Variants in DNAJA3 observed in about 807,000 individuals in gnomAD.
The protein encoded by DNAJA3 is DnaJ heat shock protein family (Hsp40) member A3.
A neutral mutation model predicts 54.9 loss-of-function variants in DNAJA3; 29 were observed. The observed-to-expected ratio is 0.53, with a 90% confidence interval of 0.39 to 0.72. DNAJA3 has a LOEUF of 0.72. DNAJA3 is among the 30% of genes least tolerant of loss of function. The probability of loss-of-function intolerance (pLI) is 0.00; values close to 1 mark genes in which losing one functional copy is unlikely to be tolerated. For missense variants in DNAJA3, 708 were observed against 639.4 expected, an observed-to-expected ratio of 1.11 and a Z score of -1.16; for synonymous variants, 302 against 251.4, an observed-to-expected ratio of 1.20 and a Z score of -1.90.
Position 4,442,333 on chromosome 16 carries a change from C to G in DNAJA3, c.696C>G (p.Ile232Met), listed in dbSNP as rs2056846367. 1 of 1,609,344 alleles carries G rather than the reference C, an allele frequency of 6.2e-7. No individual in the cohort carries two copies. The highest frequency in any genetic ancestry group is 8.5e-7 in the Non-Finnish European group (1 of 1,177,712). ...KGVNKEFTVN[I>M]MDTCERCNGK... Reference sequence around the variant, plus strand: ...TCAACAAGGAGTTCACCGTGAACATCATGGACACGTGTGAGCGCTGCAACG... The same window carrying G: ...TCAACAAGGAGTTCACCGTGAACATGATGGACACGTGTGAGCGCTGCAACG... The change falls in exon 5 of 12, where the codon ATC (isoleucine) becomes ATG (methionine). Residue 232 changes from isoleucine to methionine, a missense_variant. By Grantham distance (10) the Ile-to-Met change is conservative. Transcript: ENST00000262375.
intron 9 of DNAJA3, among the ~76,000 whole-genome samples, chr16:4,449,198 G>A (rs954278560): frequency 1.3e-4 from 19 of 151,418 alleles, no homozygotes; most frequent in Admixed American, 5.3e-4. Flanking sequence ...GGGTTTCACC[G>A]TGTTAGCCAG....
rs57814611 is a variant in DNAJA3 at position 4,451,752 on chromosome 16, GAAAAAAAAAA to G, written c.1339+1271_1339+1280del. ...AGCTTGGGTGACAGTGAGACTCTCT[GAAAAAAAAAA>G]AAAAAAAAAAAAAAAGGGCCTGGCG... On this transcript the variant is annotated intron_variant, in intron 10 of 11. Transcript: ENST00000262375. Among the ~76,000 whole-genome samples the G allele has an allele frequency of 2.9e-3, 123 of 41,860 alleles. 3 individuals carry two copies. The East Asian group carries it at 0.073, about 25-fold the overall frequency. The allele number at this position is 41,860 out of a possible 152,430, so 27.5% of individuals were successfully genotyped here. A position where few individuals can be genotyped will look rare whatever the true frequency, so the allele number is the denominator to read the frequency against.
At chr16:4,429,949 A>C (rs970641580) in intron 1 of DNAJA3, among the ~76,000 whole-genome samples, 1 of 151,780 alleles carries the variant, frequency 6.6e-6, no homozygotes, top group South Asian at 2.1e-4. Context: ...GTGAGCCATG[A>C]TGATGCCACT....
chr16:4,432,348 T>C (rs969110287), intron 1 of DNAJA3, among the ~76,000 whole-genome samples: 4 of 24,144 alleles, frequency 1.7e-4, no homozygotes, highest in Admixed American at 4.1e-4. Flanking sequence ...TTTTTTTTTC[T>C]TTTTTTTTTC....
intron 4 of DNAJA3, 106 bp from the exon 5 acceptor site, chr16:4,442,162 A>T (rs1192931950): frequency 7.4e-6 from 9 of 1,211,974 alleles, no homozygotes; most frequent in Non-Finnish European, 1.0e-5. Flanking sequence ...CAGTGGTGAA[A>T]GAGTGACTGA....
chr16:4,442,943 C>A (rs760319888), intron 5 of DNAJA3, 74 bp from the exon 6 acceptor site: 1 of 1,521,140 alleles, frequency 6.6e-7, no homozygotes, highest in Non-Finnish European at 9.0e-7. Context: ...ATTTTTCTTA[C>A]GCACATTGTG....
At chr16:4,431,100 C>T (rs955709584) in intron 1 of DNAJA3, 5 of 152,114 alleles carry the variant, frequency 3.3e-5, no homozygotes, top group African/African-American at 1.2e-4. Context: ...TGTCTTTATC[C>T]ACATGCAGTT....
intron 1 of DNAJA3, chr16:4,430,479 C>T (rs941244073): frequency 1.3e-5 from 2 of 151,452 alleles, no homozygotes; most frequent in African/African-American, 4.9e-5. Context: ...AGGAGAATCG[C>T]TTGAACCCAG....
At chr16:4,447,266 C>T in intron 8 of DNAJA3, 1 of 483,250 alleles carries the variant, frequency 2.1e-6, no homozygotes. Flanking sequence ...GGCCTGGGAA[C>T]TGGGCGCATT....
chr16:4,448,599 C>T lies in DNAJA3; in HGVS notation c.1126-134C>T, dbSNP rs191191272. On this transcript the variant is annotated intron_variant, in intron 8 of 11. Transcript: ENST00000262375. ...CCTCGTGATCAGCCTGCCTCGACCT[C>T]CCAAAGTGATGGGAGCGTGAGCCAG... 5.5e-4 allele frequency: 370 copies of T among 666,992 alleles called. No homozygotes were observed. In the African/African-American group the frequency reaches 5.9e-3, roughly 11 times the overall value. 41.3% of individuals were successfully genotyped at this position (666,992 alleles called of 1,614,324 possible). A position where few individuals can be genotyped will look rare whatever the true frequency, so the allele number is the denominator to read the frequency against.
At chr16:4,432,683 C>T (rs1018383074) in intron 1 of DNAJA3, among the ~76,000 whole-genome samples, 1 of 152,026 alleles carries the variant, frequency 6.6e-6, no homozygotes, top group Non-Finnish European at 1.5e-5. Flanking sequence ...TATTAAAACA[C>T]CTCCAGTCTG....
intron 2 of DNAJA3, among the ~76,000 whole-genome samples, chr16:4,435,210 C>T (rs1567325345): frequency 6.6e-6 from 1 of 151,946 alleles, no homozygotes; most frequent in Non-Finnish European, 1.5e-5. Flanking sequence ...CTTTCTTAAC[C>T]TGGAAAATGT....
chr16:4,426,607 A>G (rs1232633952), intron 1 of DNAJA3, among the ~76,000 whole-genome samples: 1 of 152,238 alleles, frequency 6.6e-6, no homozygotes, highest in African/African-American at 2.4e-5. Context: ...GTCATAGTTT[A>G]CGCTCTTTCT....
At chr16:4,451,897 A>T (rs916882971) in intron 10 of DNAJA3, among the ~76,000 whole-genome samples, 5 of 26,734 alleles carry the variant, frequency 1.9e-4, no homozygotes, top group Non-Finnish European at 8.2e-4. Flanking sequence ...TGTCTCTACT[A>T]AAAAAAAAAA....
chr16:4,451,219 C>T lies in DNAJA3; in HGVS notation c.1339+722C>T, dbSNP rs546477471. ...TGTGCCCAGGGGTCCTTGGTTCAGG[C>T]GGCATGTATTTCCTCCTCATTGCAT... is the stretch of plus-strand genomic sequence containing the variant. On this transcript the variant is annotated intron_variant, in intron 10 of 11. Coordinates refer to ENST00000262375, the MANE Select transcript of DNAJA3 (RefSeq NM_005147.6). Among the ~76,000 whole-genome samples, 13 of 152,262 alleles carry T rather than the reference C, an allele frequency of 8.5e-5. No individual in the cohort carries two copies. The East Asian group carries it at 1.9e-3, about 23-fold the overall frequency.
intron 9 of DNAJA3, 160 bp from the exon 10 acceptor site, chr16:4,450,240 A>AT: frequency 1.8e-6 from 1 of 566,776 alleles, no homozygotes; most frequent in East Asian, 2.9e-5. Context: ...CTTTGAGGGC[A>AT]TGGTCCTTAG....
rs575605918 is a variant in DNAJA3, at chr16:4,442,903, A to G, written c.784-114A>G. The G allele has an allele frequency of 3.1e-5, 37 of 1,207,854 alleles. No homozygotes were observed. The East Asian group carries it at 8.3e-4, about 27-fold the overall frequency. 74.8% of individuals were successfully genotyped at this position (1,207,854 alleles called of 1,614,324 possible). On this transcript the variant is annotated intron_variant, in intron 5 of 11. Coordinates refer to ENST00000262375, the MANE Select transcript of DNAJA3 (RefSeq NM_005147.6). ...TCCTAGGCAGTGTGTTTGAGTGCAC[A>G]TGCACATAAAAAACAAGCCTTAAAG... is the stretch of plus-strand genomic sequence containing the variant.
Position 4,450,402 on chromosome 16 carries a change from G to T in DNAJA3, c.1244G>T (p.Arg415Met). 1 of 1,604,500 alleles carries T rather than the reference G, an allele frequency of 6.2e-7. No homozygotes were observed. Among genetic ancestry groups the T allele is most frequent in the Non-Finnish European group, 8.5e-7 (1 of 1,176,564 alleles). Reference protein sequence around the residue: ...YIHIKIRVPKRLTSRQQSLIL... With the variant: ...YIHIKIRVPKMLTSRQQSLIL... ...TGCTGACTCTGCTCGGTCCACAGGA[G>T]GCTAACGAGCCGGCAGCAGAGCCTG... Residue 415 changes from arginine (R) to methionine (M), a missense_variant and splice_region_variant, in exon 10 of 12, where the codon AGG becomes ATG. Arg to Met is a moderately conservative substitution (Grantham distance 91). Transcript: ENST00000262375.
At chr16:4,434,357 T>G (rs756667828) in intron 1 of DNAJA3, 27 bp from the exon 2 acceptor site, 109 of 1,608,930 alleles carry the variant, frequency 6.8e-5, no homozygotes, top group Non-Finnish European at 8.8e-5. Context: ...ATTCCCAGAG[T>G]GATTTTCTTT....
Sources: gnomAD v4.1 joint callset for allele counts (sites outside exome capture counted in the v4.1 genomes callset) on GRCh38, gnomAD v4.1.1 for gene constraint, MANE v1.5 for transcripts, NCBI Gene and HGNC (gene_info 2026-07-23, HGNC 2026-07-21) for gene names.